Variants in RBM4B observed in about 807,000 individuals in gnomAD.
RBM4B encodes the protein RNA binding motif protein 4B.
Under a neutral mutation model 28.5 loss-of-function variants are expected in RBM4B, and 13 were observed. The observed-to-expected ratio is 0.46, with a 90% CI of 0.30 to 0.72. The LOEUF is 0.72. RBM4B is among the 30% of genes least tolerant of loss of function. The pLI is 0.09. For missense variants in RBM4B, 387 were observed against 477.6 expected, an observed-to-expected ratio of 0.81 and a Z score of 1.77; for synonymous variants, 167 against 179.1, an observed-to-expected ratio of 0.93 and a Z score of 0.54.
At chr11:66,669,707 A>G (rs1252813994) in intron 2 of RBM4B, among the ~76,000 whole-genome samples, 1 of 152,166 alleles carries the variant, frequency 6.6e-6, no homozygotes, top group Non-Finnish European at 1.5e-5. Flanking sequence ...TGGCCTCCCA[A>G]AGTGTTGGGA....
intron 3 of RBM4B, 89 bp from the exon 4 acceptor site, chr11:66,665,667 TC>T: frequency 6.6e-7 from 1 of 1,519,108 alleles, no homozygotes; most frequent in South Asian, 1.2e-5. Context: ...TGTCCTGTAT[TC>T]CGGGGGGAAA....
rs531964625 is a variant in RBM4B, at chr11:66,674,187, T to C, written c.412+2481A>G. ...AACTGATTTTTTTTTCTTTTTTTTT[T>C]TTTTTTATTAACTTCAGGTAGCTTT... On this transcript the variant is annotated intron_variant, in intron 2 of 3. Coordinates refer to ENST00000310046, the MANE Select transcript of RBM4B (RefSeq NM_031492.4). Among the ~76,000 whole-genome samples the C allele has an allele frequency of 7.9e-5, 12 of 151,768 alleles. No homozygotes were observed. In the South Asian group the frequency reaches 2.3e-3, roughly 29 times the overall value.
chr11:66,666,158 G>T, intron 3 of RBM4B: 1 of 758,598 alleles, frequency 1.3e-6, no homozygotes, highest in Non-Finnish European at 1.9e-6. Flanking sequence ...TCCCCTAATT[G>T]ACCAAATCTC....
intron 2 of RBM4B, among the ~76,000 whole-genome samples, chr11:66,674,860 G>A (rs1590887912): frequency 6.6e-6 from 1 of 152,248 alleles, no homozygotes; most frequent in East Asian, 1.9e-4. Context: ...GTGAGGCACC[G>A]CACCCTGCCT....
rs1565092369 is a variant in RBM4B, at chr11:66,668,617, C to G, written c.*7G>C. The G allele has an allele frequency of 6.3e-7, 1 of 1,592,362 alleles. No individual in the cohort carries two copies. The highest frequency in any genetic ancestry group is 1.3e-5 in the African/African-American group (1 of 74,682). On this transcript the variant is annotated splice_region_variant and 3_prime_UTR_variant, in exon 3 of 4. Transcript: ENST00000310046. ...AACCATTCCCACCCATCTCTCACCT[C>G]CAGTTTTTAAAAGGCTGAGTACCGG...
At chr11:66,673,581 C>G (rs1382724319) in intron 2 of RBM4B, among the ~76,000 whole-genome samples, 1 of 152,204 alleles carries the variant, frequency 6.6e-6, no homozygotes, top group Non-Finnish European at 1.5e-5. Context: ...GCCTCAGCCT[C>G]CTGAGTAGCC....
chr11:66,672,512 G>C (rs1006460975), intron 2 of RBM4B, among the ~76,000 whole-genome samples: 19 of 150,716 alleles, frequency 1.3e-4, no homozygotes, highest in African/African-American at 4.2e-4. Flanking sequence ...TTTTGGGGGG[G>C]GGGGACAGAT....
At chr11:66,675,564 G>GT (rs936317429) in intron 2 of RBM4B, 2 of 152,062 alleles carry the variant, frequency 1.3e-5, no homozygotes, top group African/African-American at 4.8e-5. Flanking sequence ...TTCTCATTTT[G>GT]TTTTTTAGTT....
chr11:66,670,525 T>C (rs1216149375), intron 2 of RBM4B, among the ~76,000 whole-genome samples: 2 of 152,118 alleles, frequency 1.3e-5, no homozygotes, highest in Non-Finnish European at 2.9e-5. Context: ...AAAACAATCT[T>C]TGCCCAGGGA....
At chr11:66,674,208 G>T in intron 2 of RBM4B, among the ~76,000 whole-genome samples, 1 of 142,308 alleles carries the variant, frequency 7.0e-6, no homozygotes. Context: ...ACTTCAGGTA[G>T]CTTTTCTTTT....
chr11:66,676,246 A>T, intron 2 of RBM4B: 1 of 224,128 alleles, frequency 4.5e-6, no homozygotes, highest in Non-Finnish European at 8.7e-6. Context: ...ACCAGTATCC[A>T]CCCAAAGCAG....
At position 66,665,157 on chromosome 11, in the gene RBM4B, G is replaced by C. The variant is rs1286109569; in HGVS notation, c.*431C>G. 4.2e-5 allele frequency: 7 copies of C among 167,906 alleles called. No individual in the cohort carries two copies. Among genetic ancestry groups the C allele is most frequent in the African/African-American group, 1.7e-4 (7 of 41,770 alleles). The allele number at this position is 167,906 out of a possible 1,614,324, so 10.4% of individuals were successfully genotyped here. On this transcript the variant is annotated 3_prime_UTR_variant, in exon 4 of 4. Coordinates refer to ENST00000310046, the MANE Select transcript of RBM4B (RefSeq NM_031492.4). The stretch of plus-strand genomic sequence containing the variant: ...ACCCCCAATGGTCCTAGCAATTTCA[G>C]AAGAGTAACTTAAGTGTTAAGAGTC...
intron 3 of RBM4B, 25 bp downstream of exon 3, chr11:66,668,590 T>A: frequency 2.6e-6 from 4 of 1,559,260 alleles, no homozygotes; most frequent in Non-Finnish European, 3.5e-6. Flanking sequence ...ATGGAATCTT[T>A]TAACCATTCC....
rs377234678 is a variant in RBM4B, at chr11:66,676,684, G to A, written c.396C>T (p.Asp132=). Residue 132 remains aspartate (D), a synonymous_variant, in exon 2 of 4, where the codon GAC becomes GAT. Coordinates refer to ENST00000310046, the MANE Select transcript of RBM4B (RefSeq NM_031492.4). ...EDAVEAIRGL[D]NTEFQGKRMH... ...GCAGTTCACCTTGAAACTCTGTGTT[G>A]TCAAGGCCCCTGATGGCCTCCACTG... 1.9e-5 allele frequency: 30 copies of A among 1,613,888 alleles called. No individual in the cohort carries two copies. The African/African-American group carries it at 2.8e-4, about 15-fold the overall frequency.
At chr11:66,677,690 C>G (rs1030316711) in intron 1 of RBM4B, 74 bp downstream of exon 1, 4 of 153,554 alleles carry the variant, frequency 2.6e-5, no homozygotes, top group African/African-American at 9.6e-5. Flanking sequence ...AAATCCGGGC[C>G]GTGCAGTCTG....
intron 2 of RBM4B, among the ~76,000 whole-genome samples, chr11:66,669,668 A>ACTCCCGACCTTGGGTGATC (rs1287908759): frequency 6.0e-4 from 91 of 151,890 alleles, no homozygotes; most frequent in African/African-American, 2.1e-3. Flanking sequence ...CTGGTCTCAA[A>ACTCCCGACCTTGGGTGATC]CTCCCGACCT....
chr11:66,676,350 C>T lies in RBM4B; in HGVS notation c.412+318G>A, dbSNP rs1590888955. ...GGTAAGCCACGGACCTTTATCCTCCCTTCTCTCATGAGGTACTCGTTTCCC... is the reference window on the plus strand; with the variant it reads ...GGTAAGCCACGGACCTTTATCCTCCTTTCTCTCATGAGGTACTCGTTTCCC... On this transcript the variant is annotated intron_variant, in intron 2 of 3. Coordinates refer to ENST00000310046, the MANE Select transcript of RBM4B (RefSeq NM_031492.4). The T allele has an allele frequency of 2.0e-5, 10 of 492,448 alleles. No individual in the cohort carries two copies. The East Asian group carries it at 2.8e-4, about 14-fold the overall frequency. 30.5% of individuals were successfully genotyped at this position (492,448 alleles called of 1,614,324 possible).
rs1344840441 is a variant in RBM4B at position 66,665,504 on chromosome 11, CCGGCAAAGGGGA to C, written c.*72_*83del. 10 of 1,151,888 alleles carry C rather than the reference CCGGCAAAGGGGA, an allele frequency of 8.7e-6. No homozygotes were observed. The African/African-American group carries it at 1.5e-4, about 18-fold the overall frequency. The allele number at this position is 1,151,888 out of a possible 1,614,324, so 71.4% of individuals were successfully genotyped here. On this transcript the variant is annotated 3_prime_UTR_variant, in exon 4 of 4. Coordinates refer to ENST00000310046, the MANE Select transcript of RBM4B (RefSeq NM_031492.4). ...TGAAACATGAAGCAATGGAAACATC[CCGGCAAAGGGGA>C]CCGCGCGGAGCAAGTTCTCATATAT... is the stretch of plus-strand genomic sequence containing the variant.
chr11:66,676,349 C>T, intron 2 of RBM4B: 1 of 491,118 alleles, frequency 2.0e-6, no homozygotes, highest in East Asian at 3.2e-5. Context: ...CTTTATCCTC[C>T]CTTCTCTCAT....
Sources: gnomAD v4.1 joint callset for allele counts (sites outside exome capture counted in the v4.1 genomes callset) on GRCh38, gnomAD v4.1.1 for gene constraint, MANE v1.5 for transcripts, NCBI Gene and HGNC (gene_info 2026-07-23, HGNC 2026-07-21) for gene names.